Variants in MBD5 observed in about 807,000 individuals in gnomAD.
The protein encoded by MBD5 is methyl-CpG-binding domain protein 5.
A neutral mutation model predicts 117.3 loss-of-function variants in MBD5; 13 were observed. That is an observed-to-expected ratio of 0.11 (90% CI 0.07 to 0.18). The LOEUF (loss-of-function observed/expected upper bound fraction) is 0.18, where lower values mean the gene tolerates loss of function less well. Ranked by LOEUF, MBD5 falls within the 10% of genes least tolerant of loss-of-function variation. The pLI is 1.00. For missense variants in MBD5, 1,879 were observed against 2,093.8 expected, an observed-to-expected ratio of 0.90 and a Z score of 2.00; for synonymous variants, 727 against 766.4, an observed-to-expected ratio of 0.95 and a Z score of 0.85.
intron 8 of MBD5, chr2:148,472,131 A>T (rs1680817116): frequency 6.6e-6 from 1 of 152,044 alleles, no homozygotes; most frequent in Non-Finnish European, 1.5e-5. Flanking sequence ...ACCAACATTT[A>T]CTTATATTCT....
At chr2:148,052,885 C>T (rs1472430873) in intron 1 of MBD5, among the ~76,000 whole-genome samples, 2 of 150,642 alleles carry the variant, frequency 1.3e-5, no homozygotes, top group African/African-American at 2.4e-5. Flanking sequence ...TCACTTGAGT[C>T]CAGGAGGCAG....
At chr2:148,061,902 A>G (rs1461686824) in intron 1 of MBD5, among the ~76,000 whole-genome samples, 1 of 151,636 alleles carries the variant, frequency 6.6e-6, no homozygotes, top group Non-Finnish European at 1.5e-5. Context: ...TCAGGATTTT[A>G]AATATTTCCC....
At chr2:148,034,348 C>T (rs1234415) in intron 1 of MBD5, among the ~76,000 whole-genome samples, 17,414 of 152,062 alleles carry the variant, frequency 0.11, 1,321 homozygotes, top group Middle Eastern at 0.19. Context: ...TGTTGTTTAG[C>T]GAAGCGTATT....
At chr2:148,288,399 C>CAAAAAAAAAAAAAAAAAAAAAAA (rs569673565) in intron 3 of MBD5, among the ~76,000 whole-genome samples, 57 of 37,408 alleles carry the variant, frequency 1.5e-3, no homozygotes, top group Non-Finnish European at 1.8e-3. Flanking sequence ...GACTCCGTCT[C>CAAAAAAAAAAAAAAAAAAAAAAA]AAAAAAAAAA....
At chr2:148,067,783 C>T (rs1281464730) in intron 1 of MBD5, among the ~76,000 whole-genome samples, 1 of 152,212 alleles carries the variant, frequency 6.6e-6, no homozygotes, top group African/African-American at 2.4e-5. Context: ...TACCTCAACT[C>T]TTAACCAGTG....
intron 4 of MBD5, among the ~76,000 whole-genome samples, chr2:148,445,853 T>G (rs1706490596): frequency 6.6e-6 from 1 of 151,502 alleles, no homozygotes; most frequent in South Asian, 2.1e-4. Flanking sequence ...GGTATCTCAC[T>G]GTGGTTTTGA....
At chr2:148,426,710 C>G (rs1457981828) in intron 4 of MBD5, among the ~76,000 whole-genome samples, 4 of 152,084 alleles carry the variant, frequency 2.6e-5, no homozygotes, top group Non-Finnish European at 5.9e-5. Flanking sequence ...TAGAAGAAAA[C>G]TCGGCAATAC....
intron 4 of MBD5, among the ~76,000 whole-genome samples, chr2:148,448,392 T>A (rs1285579055): frequency 6.6e-6 from 1 of 152,032 alleles, no homozygotes; most frequent in Non-Finnish European, 1.5e-5. Flanking sequence ...TAGATACATA[T>A]TCAGACACAG....
chr2:148,484,622 T>G (rs1215803182), intron 9 of MBD5, among the ~76,000 whole-genome samples: 1 of 152,154 alleles, frequency 6.6e-6, no homozygotes, highest in Non-Finnish European at 1.5e-5. Context: ...AGAAACAAGA[T>G]GTAAAAACAC....
At position 148,489,874 on chromosome 2, in the gene MBD5, G is replaced by A. The variant is rs370052229; in HGVS notation, c.4242G>A (p.Gly1414=). 1 of 1,613,988 alleles carries A rather than the reference G, an allele frequency of 6.2e-7. No homozygotes were observed. Among genetic ancestry groups the A allele is most frequent in the Non-Finnish European group, 8.5e-7 (1 of 1,180,032 alleles). ...GGAAAAATGTGAACGAAGGAGATGG[G>A]TTTGAATATTTCAAGTCAGCAAGTT... ...DHGKNVNEGD[G]FEYFKSASCH... The change falls in exon 11 of 14, where the codon GGG becomes GGA. Residue 1414 remains glycine (G), a synonymous_variant. Transcript: ENST00000642680.
At chr2:148,367,897 A>G (rs955850885) in intron 4 of MBD5, among the ~76,000 whole-genome samples, 1 of 152,206 alleles carries the variant, frequency 6.6e-6, no homozygotes, top group Admixed American at 6.5e-5. Context: ...AATTAATTCA[A>G]TTATTGTGGA....
At chr2:148,313,350 TCAGA>T (rs1462031106) in intron 3 of MBD5, among the ~76,000 whole-genome samples, 1 of 152,170 alleles carries the variant, frequency 6.6e-6, no homozygotes, top group Non-Finnish European at 1.5e-5. Flanking sequence ...GATGCTGTTC[TCAGA>T]GAGGAGGAAT....
chr2:148,468,729 T>A lies in MBD5; in HGVS notation c.786T>A (p.Asn262Lys). The change falls in exon 8 of 14, where the codon AAT (asparagine) becomes AAA (lysine). Residue 262 changes from asparagine to lysine, a missense_variant. Around this residue, in one of 4 missense-constraint regions of MBD5, gnomAD observed 1,666 missense variants for 1,792.2 expected, o/e 0.93. Coordinates refer to ENST00000642680, the MANE Select transcript of MBD5 (RefSeq NM_001378120.1). ...RSNPGFHGAP[N>K]SSPIHLNRTP... ...ATCCTGGTTTTCATGGAGCTCCCAATTCTAGTCCTATTCACCTGAATAGGA... is the reference window on the plus strand; with the variant it reads ...ATCCTGGTTTTCATGGAGCTCCCAAATCTAGTCCTATTCACCTGAATAGGA... 1.2e-6 allele frequency: 2 copies of A among 1,613,912 alleles called. No homozygotes were observed. The highest frequency in any genetic ancestry group is 1.7e-6 in the Non-Finnish European group (2 of 1,179,882).
intron 3 of MBD5, among the ~76,000 whole-genome samples, chr2:148,308,672 G>C (rs1241891933): frequency 6.6e-6 from 1 of 151,784 alleles, no homozygotes; most frequent in Non-Finnish European, 1.5e-5. Flanking sequence ...GACCCCGTTT[G>C]TCAATTTTGG....
At chr2:148,206,707 T>C (rs1047721353) in intron 2 of MBD5, among the ~76,000 whole-genome samples, 2 of 152,186 alleles carry the variant, frequency 1.3e-5, no homozygotes, top group African/African-American at 4.8e-5. Flanking sequence ...TACAATAAAG[T>C]ATCTTATAAA....
chr2:148,370,793 C>A (rs1036138703), intron 4 of MBD5, among the ~76,000 whole-genome samples: 1 of 152,052 alleles, frequency 6.6e-6, no homozygotes, highest in Non-Finnish European at 1.5e-5. Flanking sequence ...TGGCTGATAG[C>A]CTAATTTTTT....
In MBD5 at chr2:148,093,504, G is replaced by A. The variant is rs544347620; in HGVS notation, c.-925+71820G>A. ...TTGTTAGATTTTTGGTCAAAAGCAA[G>A]TAAAAATTAAAAATAGATTTTTGTG... On this transcript the variant is annotated intron_variant, in intron 1 of 13. Transcript: ENST00000642680. Among the ~76,000 whole-genome samples, 3 of 152,200 alleles carry A rather than the reference G, an allele frequency of 2.0e-5. No individual in the cohort carries two copies. The South Asian group carries it at 6.2e-4, about 32-fold the overall frequency.
At chr2:148,090,726 C>T (rs1695919543) in intron 1 of MBD5, among the ~76,000 whole-genome samples, 1 of 152,094 alleles carries the variant, frequency 6.6e-6, no homozygotes, top group Non-Finnish European at 1.5e-5. Flanking sequence ...GACAAACTCA[C>T]AGCCAACATC....
rs189569311 is a variant in MBD5, at chr2:148,084,543, A to G, written c.-925+62859A>G. On this transcript the variant is annotated intron_variant, in intron 1 of 13. Coordinates refer to ENST00000642680, the MANE Select transcript of MBD5 (RefSeq NM_001378120.1). The stretch of plus-strand genomic sequence containing the variant: ...AATCTTTCCATGGAAATTTAGGCCA[A>G]TTGAGATCTTTGCCTCAGAAACAAC... Among the ~76,000 whole-genome samples the G allele has an allele frequency of 1.1e-4, 16 of 152,316 alleles. No individual in the cohort carries two copies. The East Asian group carries it at 1.5e-3, about 15-fold the overall frequency.
Sources: gnomAD v4.1 joint callset for allele counts (sites outside exome capture counted in the v4.1 genomes callset) on GRCh38, gnomAD v4.1.1 for gene constraint, gnomAD v4.1.1 regional missense constraint, MANE v1.5 for transcripts, NCBI Gene and HGNC (gene_info 2026-07-23, HGNC 2026-07-21) for gene names.